ACER3: variants seen among roughly 807,000 people sequenced by gnomAD.
The protein encoded by ACER3 is alkaline ceramidase 3, also known as alkCDase 3.
In ACER3, 16 loss-of-function variants were observed where a neutral mutation model predicts 48.9. The ratio of observed to expected loss-of-function variants is 0.33; its 90% confidence interval spans 0.22 to 0.50. ACER3 has a LOEUF of 0.50. Ranked by LOEUF, ACER3 falls within the 20% of genes least tolerant of loss-of-function variation. The probability of loss-of-function intolerance (pLI) is 0.98; values close to 1 mark genes in which losing one functional copy is unlikely to be tolerated. For missense variants in ACER3, 227 were observed against 326.0 expected (o/e 0.70, Z 2.34); for synonymous variants, 109 against 107.8 (o/e 1.01, Z -0.07).
intron 1 of ACER3, among the ~76,000 whole-genome samples, chr11:76,910,507 A>T (rs1369053862): frequency 6.6e-6 from 1 of 152,174 alleles, no homozygotes; most frequent in African/African-American, 2.4e-5. Flanking sequence ...TGCTTACTCA[A>T]TTCACTTTTG....
At chr11:76,901,281 A>AC (rs1183399244) in intron 1 of ACER3, among the ~76,000 whole-genome samples, 1 of 151,606 alleles carries the variant, frequency 6.6e-6, no homozygotes, top group East Asian at 1.9e-4. Flanking sequence ...AAAAAAAAAA[A>AC]AAACTTTTAA....
chr11:76,896,907 T>C (rs1328561651), intron 1 of ACER3, among the ~76,000 whole-genome samples: 1 of 151,436 alleles, frequency 6.6e-6, no homozygotes, highest in Non-Finnish European at 1.5e-5. Flanking sequence ...CAGATATATG[T>C]AGTTGTTGAA....
At chr11:76,861,170 G>T in intron 1 of ACER3, 91 bp downstream of exon 1, 2 of 1,277,408 alleles carry the variant, frequency 1.6e-6, no homozygotes, top group Non-Finnish European at 2.1e-6. Flanking sequence ...ACCTGGCCGC[G>T]AAGGGAGGTG....
intron 2 of ACER3, among the ~76,000 whole-genome samples, chr11:76,927,714 G>C (rs1946869481): frequency 2.0e-5 from 3 of 151,960 alleles, no homozygotes; most frequent in African/African-American, 7.3e-5. Flanking sequence ...GCGGTGTTTG[G>C]TTTTTTGGCC....
chr11:76,878,300 C>T (rs1366776653), intron 1 of ACER3, among the ~76,000 whole-genome samples: 1 of 151,640 alleles, frequency 6.6e-6, no homozygotes, highest in Admixed American at 6.6e-5. Flanking sequence ...CCCTCAATTA[C>T]TTTTGCAATG....
intron 3 of ACER3, chr11:76,959,308 A>C: frequency 9.5e-7 from 1 of 1,057,790 alleles, no homozygotes; most frequent in Non-Finnish European, 1.2e-6. Context: ...ACATGGGGAC[A>C]TCTTAAAAAG....
intron 9 of ACER3, among the ~76,000 whole-genome samples, chr11:77,018,818 A>C (rs1949420669): frequency 1.3e-5 from 2 of 152,266 alleles, no homozygotes; most frequent in South Asian, 4.1e-4. Context: ...GCTGCAGAAG[A>C]AAAGTTTGAA....
intron 1 of ACER3, among the ~76,000 whole-genome samples, chr11:76,890,002 G>T (rs1021396558): frequency 1.6e-4 from 24 of 151,684 alleles, no homozygotes; most frequent in African/African-American, 5.8e-4. Flanking sequence ...TAATTCTGTT[G>T]CTTATTGTTT....
intron 7 of ACER3, among the ~76,000 whole-genome samples, chr11:77,010,142 G>A (rs1352073650): frequency 6.7e-6 from 1 of 149,638 alleles, no homozygotes; most frequent in Non-Finnish European, 1.5e-5. Flanking sequence ...ATGTATTCTT[G>A]TGAGACCCTG....
intron 2 of ACER3, among the ~76,000 whole-genome samples, chr11:76,958,467 G>A (rs181952979): frequency 3.2e-4 from 49 of 152,054 alleles, no homozygotes; most frequent in Admixed American, 1.5e-3. Flanking sequence ...GATTACAGGC[G>A]CGAGCCACTG....
chr11:76,943,253 A>G (rs138154671), intron 2 of ACER3, among the ~76,000 whole-genome samples: 1 of 151,874 alleles, frequency 6.6e-6, no homozygotes, highest in Non-Finnish European at 1.5e-5. Context: ...TGTGACATGA[A>G]TTGTTAATTT....
chr11:76,897,893 A>G (rs1432663039), intron 1 of ACER3, among the ~76,000 whole-genome samples: 2 of 152,232 alleles, frequency 1.3e-5, no homozygotes, highest in African/African-American at 4.8e-5. Flanking sequence ...CCTTGAGACA[A>G]CATTATACTT....
At chr11:76,914,157 A>G (rs1172882171) in intron 1 of ACER3, among the ~76,000 whole-genome samples, 2 of 152,234 alleles carry the variant, frequency 1.3e-5, no homozygotes, top group Non-Finnish European at 2.9e-5. Context: ...TTCATGTCTA[A>G]AACACCAAAA....
intron 1 of ACER3, among the ~76,000 whole-genome samples, chr11:76,915,971 A>T (rs572452346): frequency 5.9e-5 from 9 of 152,214 alleles, no homozygotes; most frequent in Non-Finnish European, 1.3e-4. Context: ...TTGGGTGGGG[A>T]CCCAAAACCT....
chr11:76,960,225 A>G (rs2135045439), intron 3 of ACER3, among the ~76,000 whole-genome samples: 1 of 152,174 alleles, frequency 6.6e-6, no homozygotes, highest in South Asian at 2.1e-4. Flanking sequence ...CCTGGCCAAC[A>G]TGTGGAAACC....
chr11:76,952,047 G>T (rs1239410676), intron 2 of ACER3, among the ~76,000 whole-genome samples: 1 of 151,786 alleles, frequency 6.6e-6, no homozygotes, highest in Non-Finnish European at 1.5e-5. Context: ...ACTTAAAATG[G>T]ATCTAGGATA....
intron 2 of ACER3, among the ~76,000 whole-genome samples, chr11:76,958,245 G>A (rs1947894797): frequency 6.9e-6 from 1 of 145,646 alleles, no homozygotes; most frequent in African/African-American, 2.6e-5. Context: ...GGAGTGCAGT[G>A]GCACAGTCTC....
chr11:76,899,627 G>T (rs939236466), intron 1 of ACER3, among the ~76,000 whole-genome samples: 3 of 152,112 alleles, frequency 2.0e-5, no homozygotes, highest in African/African-American at 7.2e-5. Context: ...AAAGTTAATT[G>T]TCTTTTTATC....
chr11:77,016,697 C>A lies in ACER3; in HGVS notation c.622C>A (p.Pro208Thr), dbSNP rs782788109. The change falls in exon 9 of 11, where the codon CCT becomes ACT. Residue 208 changes from proline to threonine, a missense_variant. Coordinates refer to ENST00000532485, the MANE Select transcript of ACER3 (RefSeq NM_018367.7). ...CAGGAACTTTCGAAAGAAGGTACCA[C>A]CTATCATAGGTATTACCACACAATT... The part of the protein sequence containing the change: ...SLRNFRKKVP[P>T]IIGITTQFHA... 4 of 1,587,844 alleles carry A rather than the reference C, an allele frequency of 2.5e-6. No homozygotes were observed. Among genetic ancestry groups the A allele is most frequent in the Non-Finnish European group, 3.4e-6 (4 of 1,165,678 alleles).
Sources: gnomAD v4.1 joint callset for allele counts (sites outside exome capture counted in the v4.1 genomes callset) on GRCh38, gnomAD v4.1.1 for gene constraint, MANE v1.5 for transcripts, NCBI Gene and HGNC (gene_info 2026-07-23, HGNC 2026-07-21) for gene names.